PCDHA2: variants seen among roughly 807,000 people sequenced by gnomAD.
PCDHA2 encodes protocadherin alpha-2.
In PCDHA2, 58 loss-of-function variants were observed where a neutral mutation model predicts 66.0. That is an observed-to-expected ratio of 0.88 (90% CI 0.71 to 1.09). PCDHA2 has a LOEUF of 1.09. Among genes scored for constraint, PCDHA2 ranks in the 50% least tolerant of loss-of-function variants. The pLI is 0.00. For synonymous variants in PCDHA2, 634 were observed against 554.0 expected, an observed-to-expected ratio of 1.14 and a Z score of -2.03; for missense variants, 1,267 against 1,242.3, an observed-to-expected ratio of 1.02 and a Z score of -0.30.
chr5:140,834,297 C>A, intron 1 of PCDHA2: 1 of 1,251,394 alleles, frequency 8.0e-7, no homozygotes, highest in Non-Finnish European at 1.1e-6. Context: ...AATGGCCACA[C>A]ATCGAGATTG....
At position 141,011,088 on chromosome 5, in the gene PCDHA2, TTCTC is replaced by T. The variant is rs375099849; in HGVS notation, c.*1165_*1168del. Reference sequence around the variant, plus strand: ...TATTACTAAATAAAATGATCTCTCTTTCTCTCTCTCTCTCTCTTTTCTAAGAAAC... The same window carrying T: ...TATTACTAAATAAAATGATCTCTCTTTCTCTCTCTCTCTTTTCTAAGAAAC... On this transcript the variant is annotated 3_prime_UTR_variant, in exon 4 of 4. Coordinates refer to ENST00000526136, the MANE Select transcript of PCDHA2 (RefSeq NM_018905.3). 16 of 152,024 alleles carry T rather than the reference TTCTC, an allele frequency of 1.1e-4. No individual in the cohort carries two copies. Among genetic ancestry groups the T allele is most frequent in the African/African-American group, 2.2e-4 (9 of 41,160 alleles). 9.4% of individuals were successfully genotyped at this position (152,024 alleles called of 1,614,324 possible).
chr5:140,841,175 A>G (rs1265444070), intron 1 of PCDHA2: 19 of 1,071,444 alleles, frequency 1.8e-5, no homozygotes, highest in African/African-American at 3.2e-5. Flanking sequence ...CTGGTTGGTC[A>G]ATGTTCAAAG....
intron 1 of PCDHA2, chr5:140,801,051 G>C: frequency 6.9e-7 from 1 of 1,440,338 alleles, no homozygotes; most frequent in African/African-American, 1.4e-5. Context: ...AGAAATAACA[G>C]CGTGCATTAC....
chr5:140,969,074 C>T (rs782163688), intron 1 of PCDHA2: 3 of 1,614,142 alleles, frequency 1.9e-6, no homozygotes, highest in Non-Finnish European at 2.5e-6. Flanking sequence ...CAGGATACCG[C>T]ATGGCCTCAA....
intron 3 of PCDHA2, among the ~76,000 whole-genome samples, chr5:140,989,910 G>A (rs941838001): frequency 3.3e-5 from 5 of 152,062 alleles, no homozygotes; most frequent in African/African-American, 1.2e-4. Flanking sequence ...ATCAGAAAAA[G>A]AGGGAGAGCA....
At chr5:140,991,356 T>C (rs574243681) in intron 3 of PCDHA2, among the ~76,000 whole-genome samples, 2 of 152,366 alleles carry the variant, frequency 1.3e-5, no homozygotes, top group Non-Finnish European at 2.9e-5. Flanking sequence ...AAAAGACTAT[T>C]TACTGTCTGA....
chr5:140,829,086 G>A, intron 1 of PCDHA2: 2 of 1,611,294 alleles, frequency 1.2e-6, no homozygotes, highest in East Asian at 2.2e-5. Flanking sequence ...CCCATGGCGG[G>A]TCATTGCACC....
intron 1 of PCDHA2, chr5:140,824,053 G>A: frequency 6.2e-7 from 1 of 1,614,172 alleles, no homozygotes; most frequent in Non-Finnish European, 8.5e-7. Flanking sequence ...GGTGTGCTCT[G>A]GGGAAGCTCC....
rs1554119276 is a variant in PCDHA2, at chr5:140,795,155, T to C, written c.191T>C (p.Phe64Ser). 1.2e-6 allele frequency: 2 copies of C among 1,614,044 alleles called. No individual in the cohort carries two copies. Among genetic ancestry groups the C allele is most frequent in the Non-Finnish European group, 1.7e-6 (2 of 1,180,010 alleles). Residue 64 changes from phenylalanine to serine, a missense_variant, in exon 1 of 4, where the codon TTC (phenylalanine) becomes TCC (serine). Phe to Ser is a radical substitution (Grantham distance 155, BLOSUM62 -2). Transcript: ENST00000526136. ...LELEELVPRLFRVASKRHGDL... is the reference protein window; with the variant it reads ...LELEELVPRLSRVASKRHGDL... ...CTGGAGGAGCTGGTGCCGCGCCTGT[T>C]CCGGGTGGCGTCCAAAAGACACGGG...
intron 1 of PCDHA2, among the ~76,000 whole-genome samples, chr5:140,907,969 A>C (rs1355560411): frequency 1.3e-5 from 2 of 152,204 alleles, no homozygotes; most frequent in African/African-American, 4.8e-5. Flanking sequence ...CCAATTTTCC[A>C]ATCATGCTTC....
intron 1 of PCDHA2, among the ~76,000 whole-genome samples, chr5:140,913,589 T>G (rs1342360734): frequency 6.6e-6 from 1 of 152,168 alleles, no homozygotes; most frequent in Non-Finnish European, 1.5e-5. Context: ...TATTTCTGCT[T>G]TGATCTTTAT....
rs1054445908 is a variant in PCDHA2 at position 140,796,141 on chromosome 5, G to A, written c.1177G>A (p.Val393Ile). Residue 393 changes from valine to isoleucine, a missense_variant, in exon 1 of 4, where the codon GTC becomes ATC. Val to Ile is a conservative substitution (Grantham distance 29). Coordinates refer to ENST00000526136, the MANE Select transcript of PCDHA2 (RefSeq NM_018905.3). ...GHVTCSLTPH[V>I]PFKLVSTFKN... ...TGTCACCTGCTCCCTGACGCCCCAC[G>A]TCCCTTTCAAGCTGGTGTCCACCTT... 1.2e-6 allele frequency: 2 copies of A among 1,614,158 alleles called. No individual in the cohort carries two copies. Among genetic ancestry groups the A allele is most frequent in the Non-Finnish European group, 1.7e-6 (2 of 1,180,044 alleles).
chr5:140,995,498 CTG>C (rs1554254703), intron 3 of PCDHA2, among the ~76,000 whole-genome samples: 5 of 152,150 alleles, frequency 3.3e-5, no homozygotes, highest in Non-Finnish European at 5.9e-5. Context: ...CTAAGGTTGA[CTG>C]TGGGTAACTG....
chr5:140,882,129 T>G lies in PCDHA2; in HGVS notation c.2388+84777T>G. 10 of 1,473,110 alleles carry G rather than the reference T, an allele frequency of 6.8e-6. No homozygotes were observed. The South Asian group carries it at 9.9e-5, about 15-fold the overall frequency. The allele number at this position is 1,473,110 out of a possible 1,614,324, so 91.3% of individuals were successfully genotyped here. On this transcript the variant is annotated intron_variant, in intron 1 of 3. Transcript: ENST00000526136. ...AAGAAAGCCGCCGTTTCTTTCTTCC[T>G]GCAGAAAATATAGCAGAAAGCGGAA...
At chr5:140,913,959 T>TA (rs1562996315) in intron 1 of PCDHA2, among the ~76,000 whole-genome samples, 4 of 152,166 alleles carry the variant, frequency 2.6e-5, no homozygotes, top group African/African-American at 7.2e-5. Context: ...GATATCATTT[T>TA]TAAAAAAATA....
intron 1 of PCDHA2, among the ~76,000 whole-genome samples, chr5:140,923,134 G>A (rs962370475): frequency 3.9e-5 from 6 of 152,106 alleles, no homozygotes; most frequent in African/African-American, 1.2e-4. Flanking sequence ...CACTTTGAAG[G>A]TGGAATATAA....
At position 140,803,223 on chromosome 5, in the gene PCDHA2, C is replaced by T. The variant is rs148554584; in HGVS notation, c.2388+5871C>T. On this transcript the variant is annotated intron_variant, in intron 1 of 3. Transcript: ENST00000526136. The stretch of plus-strand genomic sequence containing the variant: ...GTCGCTGGTGGAGAGTGGCCAGGCA[C>T]CCAAGGCCTCGTCCCAGGCGTCCGC... 3.9e-5 allele frequency: 63 copies of T among 1,613,842 alleles called. No homozygotes were observed. In the African/African-American group the frequency reaches 6.8e-4, roughly 17 times the overall value.
chr5:140,819,979 G>A (rs1293437924), intron 1 of PCDHA2, among the ~76,000 whole-genome samples: 1 of 151,726 alleles, frequency 6.6e-6, no homozygotes, highest in Non-Finnish European at 1.5e-5. Context: ...GGTTATCTTT[G>A]TGTATTTTGT....
At chr5:140,857,717 G>C (rs782771327) in intron 1 of PCDHA2, 1 of 1,597,518 alleles carries the variant, frequency 6.3e-7, no homozygotes, top group African/African-American at 1.3e-5. Flanking sequence ...CGTGCTGGAC[G>C]AGAACGACAA....
Sources: allele counts gnomAD v4.1 joint callset (sites outside exome capture counted in the v4.1 genomes callset), GRCh38; gene constraint gnomAD v4.1.1; transcripts MANE v1.5; gene names NCBI Gene and HGNC (gene_info 2026-07-23, HGNC 2026-07-21).